Variants in ADAMTS6 observed in about 807,000 individuals in gnomAD.
ADAMTS6 encodes ADAM metallopeptidase with thrombospondin type 1 motif 6, also known as A disintegrin and metalloproteinase with thrombospondin motifs 6.
In ADAMTS6, 23 loss-of-function variants were observed where a neutral mutation model predicts 144.3. The observed-to-expected ratio is 0.16, with a 90% CI of 0.11 to 0.23. The LOEUF is 0.23. Among genes scored for constraint, ADAMTS6 ranks in the 10% least tolerant of loss-of-function variants. The pLI is 1.00. For missense variants in ADAMTS6, 999 were observed against 1,379.6 expected, an observed-to-expected ratio of 0.72 and a Z score of 4.37; for synonymous variants, 444 against 457.5, an observed-to-expected ratio of 0.97 and a Z score of 0.38.
At chr5:65,414,294 A>G (rs1755311969) in intron 7 of ADAMTS6, among the ~76,000 whole-genome samples, 1 of 151,924 alleles carries the variant, frequency 6.6e-6, no homozygotes, top group African/African-American at 2.4e-5. Flanking sequence ...TTTTTTATTT[A>G]CTTTTGTTAT....
intron 18 of ADAMTS6, among the ~76,000 whole-genome samples, chr5:65,217,622 A>G (rs1757023320): frequency 1.3e-5 from 2 of 152,170 alleles, no homozygotes; most frequent in Non-Finnish European, 2.9e-5. Context: ...ATTATGGTGT[A>G]AAAATAAAGG....
At chr5:65,346,295 G>C (rs983551564) in intron 7 of ADAMTS6, among the ~76,000 whole-genome samples, 3 of 151,704 alleles carry the variant, frequency 2.0e-5, no homozygotes, top group Non-Finnish European at 3.0e-5. Flanking sequence ...TGATCAAATG[G>C]GATTCATTCT....
chr5:65,318,240 C>G (rs1745210113), intron 9 of ADAMTS6, among the ~76,000 whole-genome samples: 1 of 152,010 alleles, frequency 6.6e-6, no homozygotes, highest in African/African-American at 2.4e-5. Context: ...CAAATGCTGG[C>G]AAAGATGTAG....
At chr5:65,169,357 A>C (rs1282998877) in intron 24 of ADAMTS6, among the ~76,000 whole-genome samples, 2 of 139,750 alleles carry the variant, frequency 1.4e-5, no homozygotes, top group Non-Finnish European at 3.1e-5. Context: ...CACCAGTTAG[A>C]ATGGCAATCA....
intron 24 of ADAMTS6, among the ~76,000 whole-genome samples, chr5:65,160,779 A>G (rs560222057): frequency 6.1e-4 from 93 of 151,480 alleles, no homozygotes; most frequent in Non-Finnish European, 8.8e-4. Flanking sequence ...CAGCCTCCCA[A>G]GTAGCTGGGA....
Position 65,452,193 on chromosome 5 carries a change from G to C in ADAMTS6, c.867C>G (p.Ser289=), listed in dbSNP as rs759958936. ...MNIVAKLYRD[S]SLGNVVNIIV... is the part of the protein sequence containing the mutation. ...TAATATTCACAACGTTTCCTAGGCT[G>C]GAATCACGGTAAAGTTTGGCAACCT... Residue 289 remains serine (S), a synonymous_variant, in exon 6 of 25, where the codon TCC becomes TCG. Coordinates refer to ENST00000381055, the MANE Select transcript of ADAMTS6 (RefSeq NM_197941.4). The C allele has an allele frequency of 6.8e-6, 11 of 1,612,544 alleles. No individual in the cohort carries two copies. The highest frequency in any genetic ancestry group is 9.3e-6 in the Non-Finnish European group (11 of 1,179,216).
chr5:65,342,238 C>CA (rs141290911), intron 7 of ADAMTS6, among the ~76,000 whole-genome samples: 9 of 150,372 alleles, frequency 6.0e-5, no homozygotes, highest in East Asian at 1.9e-4. Flanking sequence ...GGGCAATTTA[C>CA]AAAAAAAAAG....
intron 4 of ADAMTS6, among the ~76,000 whole-genome samples, chr5:65,455,164 T>C (rs1330470391): frequency 6.6e-6 from 1 of 152,242 alleles, no homozygotes; most frequent in Non-Finnish European, 1.5e-5. Flanking sequence ...TCCGACCCAT[T>C]CAATTTCTCC....
rs751919142 is a variant in ADAMTS6, at chr5:65,188,169, C to T, written c.2757G>A (p.Met919Ile). The T allele has an allele frequency of 1.2e-6, 2 of 1,614,156 alleles. No homozygotes were observed. The highest frequency in any genetic ancestry group is 1.1e-5 in the South Asian group (1 of 91,082). ...LECSKTCDGG[M>I]RTRAVLCIRK... The stretch of plus-strand genomic sequence containing the variant: ...TGATGCAGAGCACTGCCCTTGTGCG[C>T]ATCCCACCATCACAAGTCTTGCTGC... Residue 919 changes from methionine (M) to isoleucine (I), a missense_variant, in exon 22 of 25, where the codon ATG becomes ATA. By Grantham distance (10) the Met-to-Ile change is conservative. Transcript: ENST00000381055.
intron 18 of ADAMTS6, among the ~76,000 whole-genome samples, chr5:65,221,706 CT>C (rs1467047033): frequency 6.6e-6 from 1 of 152,040 alleles, no homozygotes; most frequent in Non-Finnish European, 1.5e-5. Flanking sequence ...GTAAAAGTGC[CT>C]TTGTTCGAGG....
intron 9 of ADAMTS6, among the ~76,000 whole-genome samples, chr5:65,312,435 C>A (rs1208024874): frequency 6.6e-6 from 1 of 151,992 alleles, no homozygotes; most frequent in Non-Finnish European, 1.5e-5. Flanking sequence ...ACCTTCTATA[C>A]CCACATCTGG....
intron 7 of ADAMTS6, among the ~76,000 whole-genome samples, chr5:65,399,243 G>A (rs1753715934): frequency 1.3e-5 from 2 of 152,218 alleles, no homozygotes; most frequent in Non-Finnish European, 2.9e-5. Context: ...GCCACAGAAT[G>A]AGACTCTGTC....
chr5:65,239,412 G>C (rs1232046133), intron 15 of ADAMTS6, among the ~76,000 whole-genome samples: 1 of 152,116 alleles, frequency 6.6e-6, no homozygotes, highest in Non-Finnish European at 1.5e-5. Context: ...ATTATTTTGA[G>C]ATAGATCATA....
At chr5:65,228,558 C>T (rs749305274) in intron 15 of ADAMTS6, among the ~76,000 whole-genome samples, 2 of 151,990 alleles carry the variant, frequency 1.3e-5, no homozygotes. Flanking sequence ...TTATGGGACT[C>T]CAGCAGAAAA....
intron 15 of ADAMTS6, among the ~76,000 whole-genome samples, chr5:65,232,083 C>T (rs918696663): frequency 6.6e-6 from 1 of 152,060 alleles, no homozygotes; most frequent in Admixed American, 6.6e-5. Context: ...TGCCCTCCAG[C>T]CTGGATGACT....
intron 20 of ADAMTS6, among the ~76,000 whole-genome samples, chr5:65,205,500 A>G (rs1004188017): frequency 3.3e-5 from 5 of 152,170 alleles, no homozygotes; most frequent in Middle Eastern, 3.2e-3. Flanking sequence ...ATTTTCTAAT[A>G]ATTACTTTTT....
At chr5:65,271,737 C>G (rs1232144358) in intron 12 of ADAMTS6, among the ~76,000 whole-genome samples, 2 of 152,110 alleles carry the variant, frequency 1.3e-5, no homozygotes, top group Admixed American at 6.5e-5. Flanking sequence ...AACAGATTCT[C>G]CCTGTGACTC....
intron 24 of ADAMTS6, among the ~76,000 whole-genome samples, chr5:65,169,894 G>C (rs1433235399): frequency 7.9e-6 from 1 of 127,386 alleles, no homozygotes; most frequent in Non-Finnish European, 1.6e-5. Context: ...GGTGGGGAGG[G>C]GGGAGGGGGG....
At chr5:65,477,156 A>G (rs1444240896) in intron 1 of ADAMTS6, among the ~76,000 whole-genome samples, 6 of 152,172 alleles carry the variant, frequency 3.9e-5, no homozygotes, top group Non-Finnish European at 5.9e-5. Flanking sequence ...AAACCTTCCC[A>G]TGTAATATTA....
Sources: allele counts gnomAD v4.1 joint callset (sites outside exome capture counted in the v4.1 genomes callset), GRCh38; gene constraint gnomAD v4.1.1; transcripts MANE v1.5; gene names NCBI Gene and HGNC (gene_info 2026-07-23, HGNC 2026-07-21).